KIAA2012: variants seen among roughly 807,000 people sequenced by gnomAD.
The protein encoded by KIAA2012 is KIAA2012, also known as uncharacterized protein KIAA2012.
Under a neutral mutation model 150.6 loss-of-function variants are expected in KIAA2012, and 125 were observed. That is an observed-to-expected ratio of 0.83 (90% CI 0.72 to 0.96). KIAA2012 has a LOEUF of 0.96. KIAA2012 is among the 40% of genes least tolerant of loss of function. KIAA2012 has a pLI of 0.00. For synonymous variants in KIAA2012, 462 were observed against 504.7 expected (o/e 0.92, Z 1.13); for missense variants, 1,219 against 1,354.9 (o/e 0.90, Z 1.57).
chr2:202,160,165 CTA>C (rs1302596191), intron 14 of KIAA2012, among the ~76,000 whole-genome samples: 1 of 152,158 alleles, frequency 6.6e-6, no homozygotes, highest in East Asian at 1.9e-4. Context: ...TATCAGAGAT[CTA>C]TGAGGTCTGT....
At chr2:202,120,744 A>G (rs1575022902) in intron 11 of KIAA2012, among the ~76,000 whole-genome samples, 2 of 152,238 alleles carry the variant, frequency 1.3e-5, no homozygotes, top group Middle Eastern at 3.4e-3. Flanking sequence ...CTAGATTTAA[A>G]ATTCCTGTGA....
Position 202,196,844 on chromosome 2 carries a change from G to A in KIAA2012, c.3232G>A (p.Glu1078Lys). Reference sequence around the variant, plus strand: ...AGAGGAATTGGAAATGCAGTTAGAAGAAGAACAAAAACACCTGATGGAAAT... The same window carrying A: ...AGAGGAATTGGAAATGCAGTTAGAAAAAGAACAAAAACACCTGATGGAAAT... Reference protein sequence around the residue: ...RQEELEMQLEEEQKHLMEMAE... With the variant: ...RQEELEMQLEKEQKHLMEMAE... The change falls in exon 22 of 24, where the codon GAA (glutamate) becomes AAA (lysine). Residue 1078 changes from glutamate to lysine, a missense_variant. By Grantham distance (56) the Glu-to-Lys change is moderately conservative. Transcript: ENST00000498697. The A allele has an allele frequency of 6.4e-7, 1 of 1,550,612 alleles. No homozygotes were observed. The highest frequency in any genetic ancestry group is 1.4e-5 in the African/African-American group (1 of 73,154).
intron 12 of KIAA2012, among the ~76,000 whole-genome samples, chr2:202,130,458 T>G (rs906001453): frequency 9.7e-6 from 1 of 103,204 alleles, no homozygotes; most frequent in African/African-American, 3.7e-5. Context: ...TCTTAGGATT[T>G]TGTGTGTGAG....
At chr2:202,114,300 G>A (rs748245253) in intron 11 of KIAA2012, 3 of 164,890 alleles carry the variant, frequency 1.8e-5, no homozygotes, top group Admixed American at 6.5e-5. Flanking sequence ...TCTTGTGTCC[G>A]CTGCTATTGA....
At chr2:202,129,049 G>A (rs1234859581) in intron 12 of KIAA2012, among the ~76,000 whole-genome samples, 1 of 151,938 alleles carries the variant, frequency 6.6e-6, no homozygotes, top group African/African-American at 2.4e-5. Flanking sequence ...CGGTGGCAGA[G>A]GTTGCGGTAA....
chr2:202,110,608 A>G (rs1690320932), intron 10 of KIAA2012, among the ~76,000 whole-genome samples: 1 of 152,178 alleles, frequency 6.6e-6, no homozygotes, highest in Non-Finnish European at 1.5e-5. Context: ...ATAAAGAAAG[A>G]GGTATCTCTG....
At chr2:202,169,245 A>C (rs1691834207) in intron 15 of KIAA2012, among the ~76,000 whole-genome samples, 1 of 152,218 alleles carries the variant, frequency 6.6e-6, no homozygotes, top group African/African-American at 2.4e-5. Context: ...TGTATGAATG[A>C]ATGAATATGC....
chr2:202,194,483 T>C lies in KIAA2012; in HGVS notation c.3187+121T>C, dbSNP rs1692377531. ...TTAGTGTGTTAAGCACTCTAAATAA[T>C]ATAAACTATTTTTCAAAGTGATTAT... is the stretch of plus-strand genomic sequence containing the variant. On this transcript the variant is annotated intron_variant, in intron 21 of 23. Coordinates refer to ENST00000498697, the MANE Select transcript of KIAA2012 (RefSeq NM_001277372.4). 5 of 890,314 alleles carry C rather than the reference T, an allele frequency of 5.6e-6. No individual in the cohort carries two copies. In the South Asian group the frequency reaches 1.1e-4, roughly 19 times the overall value. The allele number at this position is 890,314 out of a possible 1,614,324, so 55.2% of individuals were successfully genotyped here.
At chr2:202,111,576 C>G (rs1055892721) in intron 10 of KIAA2012, among the ~76,000 whole-genome samples, 2 of 149,542 alleles carry the variant, frequency 1.3e-5, no homozygotes. Flanking sequence ...AAGAGAGCAG[C>G]CTGAAGCCTC....
At chr2:202,179,421 G>C (rs573846973) in intron 15 of KIAA2012, 5 of 734,006 alleles carry the variant, frequency 6.8e-6, no homozygotes, top group South Asian at 6.7e-5. Flanking sequence ...GCGGCAAATG[G>C]TGTGGTATTA....
At chr2:202,197,243 T>G in intron 22 of KIAA2012, 1 of 682,100 alleles carries the variant, frequency 1.5e-6, no homozygotes, top group South Asian at 2.2e-5. Context: ...TTTGGAGATA[T>G]CTACGTCAAC....
At chr2:202,086,776 G>A (rs940972441) in intron 2 of KIAA2012, among the ~76,000 whole-genome samples, 5 of 152,142 alleles carry the variant, frequency 3.3e-5, no homozygotes, top group Non-Finnish European at 7.3e-5. Flanking sequence ...AATCTAGAGC[G>A]CTTTCCCAGG....
chr2:202,129,658 T>A (rs1259729569), intron 12 of KIAA2012, among the ~76,000 whole-genome samples: 3 of 152,136 alleles, frequency 2.0e-5, no homozygotes, highest in Non-Finnish European at 4.4e-5. Flanking sequence ...TGATTTCAGC[T>A]ATTTGAAATG....
At chr2:202,155,675 C>T (rs746288710) in intron 14 of KIAA2012, among the ~76,000 whole-genome samples, 3 of 152,146 alleles carry the variant, frequency 2.0e-5, no homozygotes, top group African/African-American at 4.8e-5. Flanking sequence ...CAAATACTTG[C>T]GGAGTGCATG....
At position 202,099,053 on chromosome 2, in the gene KIAA2012, C is replaced by A. The variant is rs763216789; in HGVS notation, c.829-560C>A. On this transcript the variant is annotated intron_variant, in intron 5 of 23. Coordinates refer to ENST00000498697, the MANE Select transcript of KIAA2012 (RefSeq NM_001277372.4). ...CCCAGGCTGGAGTGCAGAGGTGCTA[C>A]CACAGTTCACTGCAGGCTTGACCTC... Among the ~76,000 whole-genome samples, 47 of 152,090 alleles carry A rather than the reference C, an allele frequency of 3.1e-4. 1 individual carries two copies. The highest frequency in any genetic ancestry group is 3.7e-4 in the Non-Finnish European group (25 of 68,034).
At chr2:202,133,304 T>C (rs1691000463) in intron 12 of KIAA2012, among the ~76,000 whole-genome samples, 1 of 151,318 alleles carries the variant, frequency 6.6e-6, no homozygotes, top group Non-Finnish European at 1.5e-5. Flanking sequence ...TCTCGCGTGG[T>C]TGACATTTTG....
intron 14 of KIAA2012, among the ~76,000 whole-genome samples, chr2:202,160,051 G>A (rs1220885381): frequency 1.3e-5 from 2 of 152,200 alleles, no homozygotes; most frequent in Middle Eastern, 3.4e-3. Context: ...CCCAGTAATT[G>A]TGCTGATCCC....
At position 202,104,705 on chromosome 2, in the gene KIAA2012, G is replaced by T. The variant is rs1009817963; in HGVS notation, c.1325-1056G>T. Among the ~76,000 whole-genome samples the T allele has an allele frequency of 6.6e-6, 1 of 152,160 alleles. No individual in the cohort carries two copies. Among genetic ancestry groups the T allele is most frequent in the South Asian group, 2.1e-4 (1 of 4,826 alleles). Reference sequence around the variant, plus strand: ...AGTTTGATAAAGGAGGTTGTTGAGGGTCAGGAACTCTGGGTTGGTTGGGGT... The same window carrying T: ...AGTTTGATAAAGGAGGTTGTTGAGGTTCAGGAACTCTGGGTTGGTTGGGGT... On this transcript the variant is annotated intron_variant, in intron 8 of 23. Transcript: ENST00000498697. This position sits in a 1 kb window ranked among gnomAD's most constrained non-coding sequence, Gnocchi z 4.3.
chr2:202,097,427 C>T lies in KIAA2012; in HGVS notation c.686-8C>T. 6.4e-7 allele frequency: 1 copy of T among 1,550,398 alleles called. No individual in the cohort carries two copies. The highest frequency in any genetic ancestry group is 8.7e-7 in the Non-Finnish European group (1 of 1,146,910). On this transcript the variant is annotated splice_polypyrimidine_tract_variant and splice_region_variant and intron_variant, in intron 4 of 23. Coordinates refer to ENST00000498697, the MANE Select transcript of KIAA2012 (RefSeq NM_001277372.4). The stretch of plus-strand genomic sequence containing the variant: ...GGTGACAAGCTGACCCATTGTTCAC[C>T]ATTGCAGGTCAACAGGGCCTGGATG...
Sources: gnomAD v4.1 joint callset for allele counts (sites outside exome capture counted in the v4.1 genomes callset) on GRCh38, gnomAD v4.1.1 for gene constraint, Gnocchi (gnomAD v3.1) non-coding constraint, MANE v1.5 for transcripts, NCBI Gene and HGNC (gene_info 2026-07-23, HGNC 2026-07-21) for gene names.